CYB5R2: variants seen among roughly 807,000 people sequenced by gnomAD.
CYB5R2 encodes NADH-cytochrome b5 reductase 2.
A neutral mutation model predicts 29.8 loss-of-function variants in CYB5R2; 35 were observed. That is an observed-to-expected ratio of 1.17 (90% CI 0.90 to 1.56). The LOEUF is 1.56. CYB5R2 is among the 40% of genes most tolerant of loss of function. The pLI is 0.00. For missense variants in CYB5R2, 419 were observed against 346.7 expected, an observed-to-expected ratio of 1.21 and a Z score of -1.66; for synonymous variants, 169 against 130.6, an observed-to-expected ratio of 1.29 and a Z score of -2.01.
In CYB5R2 at chr11:7,672,898, G is replaced by A. The variant is rs780643987; in HGVS notation, c.-66-7C>T. 5.0e-6 allele frequency: 8 copies of A among 1,609,100 alleles called. No individual in the cohort carries two copies. In the East Asian group the frequency reaches 8.9e-5, roughly 18 times the overall value. On this transcript the variant is annotated splice_region_variant and splice_polypyrimidine_tract_variant and intron_variant, in intron 1 of 8. Transcript: ENST00000299498. ...TCAGGAGCAGGGACGGGTCCTGGCA[G>A]ACACAATGTGAACAGAGCACCTCAG...
At chr11:7,671,747 G>A (rs1221875581) in intron 3 of CYB5R2, 1 of 152,258 alleles carries the variant, frequency 6.6e-6, no homozygotes, top group African/African-American at 2.4e-5. Flanking sequence ...ATTATACAAA[G>A]CTGCTCTGAA....
Position 7,667,776 on chromosome 11 carries a change from G to A in CYB5R2, c.510C>T (p.Thr170=), listed in dbSNP as rs1219146310. 1 of 1,614,070 alleles carries A rather than the reference G, an allele frequency of 6.2e-7. No homozygotes were observed. Among genetic ancestry groups the A allele is most frequent in the Non-Finnish European group, 8.5e-7 (1 of 1,180,044 alleles). The change falls in exon 7 of 9, where the codon ACC becomes ACT. Residue 170 remains threonine (T), a synonymous_variant. Coordinates refer to ENST00000299498, the MANE Select transcript of CYB5R2 (RefSeq NM_016229.5). ...TCCTGGTCCTGTCACTGGGGTCCTT[G>A]GTGATGTGGCGAATGAGCTGCAACA... The part of the protein sequence containing the change: ...TPMLQLIRHI[T]KDPSDRTRMS...
chr11:7,674,055 A>G (rs912117911), upstream of CYB5R2: 62 of 1,189,352 alleles, frequency 5.2e-5, no homozygotes, highest in Non-Finnish European at 6.4e-5. Context: ...GCCCCTCTGC[A>G]TCCTGGCCCC....
Position 7,665,346 on chromosome 11 carries a change from A to G in CYB5R2, c.*28T>C. 1.4e-6 allele frequency: 2 copies of G among 1,473,678 alleles called. No homozygotes were observed. Among genetic ancestry groups the G allele is most frequent in the South Asian group, 1.4e-5 (1 of 71,946 alleles). 91.3% of individuals were successfully genotyped at this position (1,473,678 alleles called of 1,614,324 possible). On this transcript the variant is annotated 3_prime_UTR_variant, in exon 9 of 9. Coordinates refer to ENST00000299498, the MANE Select transcript of CYB5R2 (RefSeq NM_016229.5). ...TACTCTGAAACAGATGAAAAGGGAC[A>G]TGCAAAATTGCTGAGCACGTGGAGG...
Position 7,669,650 on chromosome 11 carries a change from C to A in CYB5R2, c.233G>T (p.Arg78Ile). 1 of 1,608,166 alleles carries A rather than the reference C, an allele frequency of 6.2e-7. No individual in the cohort carries two copies. The highest frequency in any genetic ancestry group is 1.7e-5 in the Admixed American group (1 of 58,618). ...CTTTATAATTAGGTCCACAAAGCCT[C>A]TGTCATCATCACTGGAGACAGGGGT... The part of the protein sequence containing the change: ...AYTPVSSDDD[R>I]GFVDLIIKIY... Residue 78 changes from arginine (R) to isoleucine (I), a missense_variant, in exon 4 of 9, where the codon AGA becomes ATA. Arg to Ile is a moderately conservative substitution (Grantham distance 97). Coordinates refer to ENST00000299498, the MANE Select transcript of CYB5R2 (RefSeq NM_016229.5).
upstream of CYB5R2, chr11:7,673,942 T>G: frequency 1.0e-6 from 1 of 999,920 alleles, no homozygotes; most frequent in South Asian, 4.2e-5. Flanking sequence ...GTCGGGGGGC[T>G]CTCACTCACG....
At chr11:7,669,838 G>A (rs1017019762) in intron 3 of CYB5R2, 107 bp from the exon 4 acceptor site, 5 of 796,784 alleles carry the variant, frequency 6.3e-6, no homozygotes, top group African/African-American at 3.4e-5. Flanking sequence ...GGGGCACAAT[G>A]TTAAGAGGGG....
intron 8 of CYB5R2, 26 bp downstream of exon 8, chr11:7,666,425 G>T: frequency 6.8e-7 from 1 of 1,472,910 alleles, no homozygotes; most frequent in Non-Finnish European, 9.5e-7. Context: ...CTGACCCATG[G>T]TGAGTGAGGG....
In CYB5R2 at chr11:7,667,761, G is replaced by A. The variant is rs762875445; in HGVS notation, c.525C>T (p.Asp175=). Residue 175 remains aspartate, a synonymous_variant, in exon 7 of 9, where the codon GAC becomes GAT. Coordinates refer to ENST00000299498, the MANE Select transcript of CYB5R2 (RefSeq NM_016229.5). ...CAAAGATGAGGGACATCCTGGTCCTGTCACTGGGGTCCTTGGTGATGTGGC... is the reference window on the plus strand; with the variant it reads ...CAAAGATGAGGGACATCCTGGTCCTATCACTGGGGTCCTTGGTGATGTGGC... ...LIRHITKDPS[D]RTRMSLIFAN... is the part of the protein sequence containing the mutation. The A allele has an allele frequency of 6.2e-7, 1 of 1,614,228 alleles. No individual in the cohort carries two copies. Among genetic ancestry groups the A allele is most frequent in the East Asian group, 2.2e-5 (1 of 44,886 alleles).
chr11:7,673,419 C>T lies in CYB5R2; in HGVS notation c.-67G>A, dbSNP rs911457838. 5.0e-6 allele frequency: 5 copies of T among 991,148 alleles called. No individual in the cohort carries two copies. The African/African-American group carries it at 7.0e-5, about 14-fold the overall frequency. The allele number at this position is 991,148 out of a possible 1,614,324, so 61.4% of individuals were successfully genotyped here. ...GGAGCCTCCCCGCATCTGTCCCTAC[C>T]CTACAAGGCCGCCCTGCTCCTCTCC... On this transcript the variant is annotated splice_region_variant and 5_prime_UTR_variant, in exon 1 of 9. Transcript: ENST00000299498.
At position 7,669,901 on chromosome 11, in the gene CYB5R2, G is replaced by T. The variant is rs577383538; in HGVS notation, c.152-170C>A. 5.1e-5 allele frequency: 31 copies of T among 608,728 alleles called. No homozygotes were observed. The African/African-American group carries it at 5.2e-4, about 10-fold the overall frequency. 37.7% of individuals were successfully genotyped at this position (608,728 alleles called of 1,614,324 possible). ...CAAATATGGGATGCCCGGATCCTAG[G>T]CCTGCCCTGCCTCCCTGTGCTACCC... On this transcript the variant is annotated intron_variant, in intron 3 of 8. Transcript: ENST00000299498.
Position 7,669,292 on chromosome 11 carries a change from T to G in CYB5R2, c.301A>C (p.Lys101Gln), listed in dbSNP as rs771756683. The change falls in exon 5 of 9, where the codon AAG becomes CAG. Residue 101 changes from lysine to glutamine, a missense_variant. Transcript: ENST00000299498. ...NVHPQYPEGG[K>Q]MTQYLENMKI... ...ATGTTCTCCAAATACTGAGTCATCT[T>G]CCCACCTTCAGGATATTGGGGGTGT... 6.2e-7 allele frequency: 1 copy of G among 1,614,134 alleles called. No individual in the cohort carries two copies. Among genetic ancestry groups the G allele is most frequent in the Non-Finnish European group, 8.5e-7 (1 of 1,179,972 alleles).
intron 3 of CYB5R2, 41 bp downstream of exon 3, chr11:7,672,410 C>A: frequency 6.4e-7 from 1 of 1,572,536 alleles, no homozygotes; most frequent in Non-Finnish European, 8.7e-7. Context: ...GGCCTAGCCC[C>A]CAGAGGCCCC....
chr11:7,669,441 C>G, intron 4 of CYB5R2, 107 bp from the exon 5 acceptor site: 1 of 1,413,334 alleles, frequency 7.1e-7, no homozygotes, highest in Non-Finnish European at 9.7e-7. Flanking sequence ...AAAGTGTTCT[C>G]CTCTCTGAAT....
In CYB5R2 at chr11:7,667,809, G is replaced by T. The variant is rs748812122; in HGVS notation, c.477C>A (p.Ile159=). Residue 159 remains isoleucine (I), a synonymous_variant, in exon 7 of 9, where the codon ATC becomes ATA. Transcript: ENST00000299498. The part of the protein sequence containing the change: ...HLGMIAGGTG[I]TPMLQLIRHI... ...GGCGAATGAGCTGCAACATGGGTGTGATGCCTGGAACACAGTGAGCGAGCA... is the reference window on the plus strand; with the variant it reads ...GGCGAATGAGCTGCAACATGGGTGTTATGCCTGGAACACAGTGAGCGAGCA... 6.2e-7 allele frequency: 1 copy of T among 1,614,072 alleles called. No individual in the cohort carries two copies. The highest frequency in any genetic ancestry group is 1.1e-5 in the South Asian group (1 of 91,076).
chr11:7,672,540 T>C lies in CYB5R2; in HGVS notation c.79-17A>G, dbSNP rs1243300542. 10 of 1,613,482 alleles carry C rather than the reference T, an allele frequency of 6.2e-6. No homozygotes were observed. Among genetic ancestry groups the C allele is most frequent in the Admixed American group, 1.7e-5 (1 of 59,952 alleles). On this transcript the variant is annotated splice_polypyrimidine_tract_variant and intron_variant, in intron 2 of 8. Transcript: ENST00000299498. Reference sequence around the variant, plus strand: ...GCTGATTTTCTGATAAAACAAAACATAGGCAGGTTCTGTCAGCTTTCTAGA... The same window carrying C: ...GCTGATTTTCTGATAAAACAAAACACAGGCAGGTTCTGTCAGCTTTCTAGA...
intron 5 of CYB5R2, chr11:7,668,933 G>C (rs1215659429): frequency 3.3e-6 from 2 of 614,060 alleles, no homozygotes; most frequent in Non-Finnish European, 5.9e-6. Context: ...TTCAGTATTA[G>C]CAGGCACCAT....
chr11:7,670,556 G>C (rs1393158216), intron 3 of CYB5R2: 2 of 152,236 alleles, frequency 1.3e-5, no homozygotes, highest in African/African-American at 2.4e-5. Context: ...TACCCATGGA[G>C]CAAATGAAAC....
At chr11:7,672,622 G>GCGCACACA (rs1555009562) in intron 2 of CYB5R2, 99 bp from the exon 3 acceptor site, 7 of 1,236,672 alleles carry the variant, frequency 5.7e-6, no homozygotes, top group Non-Finnish European at 8.1e-6. Flanking sequence ...CGCTATTCCA[G>GCGCACACA]CACACACACA....
Sources: gnomAD v4.1 joint callset for allele counts on GRCh38, gnomAD v4.1.1 for gene constraint, MANE v1.5 for transcripts, NCBI Gene and HGNC (gene_info 2026-07-23, HGNC 2026-07-21) for gene names.